The following SLC37A3 variants were observed in gnomAD, a reference collection of about 807,000 sequenced individuals.
The protein encoded by SLC37A3 is solute carrier family 37 member 3.
A neutral mutation model predicts 67.1 loss-of-function variants in SLC37A3; 51 were observed. The observed-to-expected ratio is 0.76, with a 90% CI of 0.61 to 0.96. The LOEUF (loss-of-function observed/expected upper bound fraction) is 0.96. Ranked by LOEUF, SLC37A3 falls within the 40% of genes least tolerant of loss-of-function variation. The pLI is 0.00. For missense variants in SLC37A3, 508 were observed against 603.0 expected, an observed-to-expected ratio of 0.84 and a Z score of 1.65; for synonymous variants, 214 against 231.4, an observed-to-expected ratio of 0.92 and a Z score of 0.68.
At chr7:140,337,703 T>C (rs2117004219) in intron 13 of SLC37A3, 1 of 168,994 alleles carries the variant, frequency 5.9e-6, no homozygotes, top group South Asian at 1.9e-4. Context: ...TAGTTTGTCT[T>C]TAAGTATGCC....
chr7:140,387,561 G>A (rs1396204314), intron 1 of SLC37A3, among the ~76,000 whole-genome samples: 2 of 143,218 alleles, frequency 1.4e-5, no homozygotes, highest in African/African-American at 5.2e-5. Context: ...GCTGCGGTGA[G>A]CTGAAATCAC....
intron 1 of SLC37A3, among the ~76,000 whole-genome samples, chr7:140,383,012 A>G (rs1393792945): frequency 1.3e-5 from 2 of 152,162 alleles, no homozygotes; most frequent in African/African-American, 2.4e-5. Context: ...AATGCAGCTC[A>G]GGGTATAATG....
intron 9 of SLC37A3, among the ~76,000 whole-genome samples, chr7:140,350,505 C>A (rs988155370): frequency 6.6e-6 from 1 of 152,186 alleles, no homozygotes; most frequent in African/African-American, 2.4e-5. Context: ...TGGCTCACGC[C>A]TGTAATCCCA....
intron 4 of SLC37A3, among the ~76,000 whole-genome samples, chr7:140,368,103 C>T (rs909220696): frequency 1.3e-4 from 20 of 151,972 alleles, no homozygotes; most frequent in African/African-American, 4.6e-4. Flanking sequence ...CGTGGGCCAC[C>T]GCGCCCAGCC....
intron 2 of SLC37A3, among the ~76,000 whole-genome samples, chr7:140,380,897 CTTTTT>C (rs56276405): frequency 7.9e-6 from 1 of 125,882 alleles, no homozygotes; most frequent in African/African-American, 2.9e-5. Context: ...TCTTCTTCTT[CTTTTT>C]TTTTTTTTTT....
Position 140,363,254 on chromosome 7 carries a change from C to T in SLC37A3, c.375+1154G>A, listed in dbSNP as rs1045495399. Among the ~76,000 whole-genome samples the T allele has an allele frequency of 4.5e-5, 4 of 88,778 alleles. 1 individual carries two copies. Among genetic ancestry groups the T allele is most frequent in the Admixed American group, 3.1e-4 (3 of 9,664 alleles). 58.2% of individuals were successfully genotyped at this position (88,778 alleles called of 152,430 possible). A position where few individuals can be genotyped will look rare whatever the true frequency, so the allele number is the denominator to read the frequency against. On this transcript the variant is annotated intron_variant, in intron 5 of 14. Transcript: ENST00000326232. ...ATGGCGGTTTTGTGGAATAGAAAGG[C>T]GGGAAGGGTGGGGAAAAAATTGAGA...
At position 140,334,833 on chromosome 7, in the gene SLC37A3, C is replaced by A; in HGVS notation, c.*579G>T. ...GACACAGAGTGACTGAGCCAATCAA[C>A]AGGCATGTAGTGTGATCTTTCCCAC... On this transcript the variant is annotated 3_prime_UTR_variant, in exon 15 of 15. Coordinates refer to ENST00000326232, the MANE Select transcript of SLC37A3 (RefSeq NM_207113.3). 5.5e-6 allele frequency: 1 copy of A among 182,378 alleles called. No homozygotes were observed. Among genetic ancestry groups the A allele is most frequent in the Non-Finnish European group, 1.2e-5 (1 of 85,138 alleles). 11.3% of individuals were successfully genotyped at this position (182,378 alleles called of 1,614,324 possible).
At chr7:140,378,269 T>C (rs1798109790) in intron 3 of SLC37A3, among the ~76,000 whole-genome samples, 1 of 152,176 alleles carries the variant, frequency 6.6e-6, no homozygotes, top group Admixed American at 6.6e-5. Flanking sequence ...AGGGAGGAAT[T>C]TTCTTCAAAA....
chr7:140,369,589 C>A lies in SLC37A3; in HGVS notation c.291+1G>T. 3 of 1,613,524 alleles carry A rather than the reference C, an allele frequency of 1.9e-6. No homozygotes were observed. Among genetic ancestry groups the A allele is most frequent in the Non-Finnish European group, 1.7e-6 (2 of 1,179,684 alleles). On this transcript the variant is annotated splice_donor_variant, in intron 4 of 14. Coordinates refer to ENST00000326232, the MANE Select transcript of SLC37A3 (RefSeq NM_207113.3). LOFTEE classifies it high-confidence loss of function. Reference sequence around the variant, plus strand: ...TTAAGCCCTAGAGTTCCAAAACTTACCACAGCATAGGAGAAGAGGAAAATG... The same window carrying A: ...TTAAGCCCTAGAGTTCCAAAACTTAACACAGCATAGGAGAAGAGGAAAATG...
chr7:140,368,779 C>A (rs574684451), intron 4 of SLC37A3, among the ~76,000 whole-genome samples: 28 of 152,260 alleles, frequency 1.8e-4, no homozygotes, highest in African/African-American at 6.7e-4. Flanking sequence ...CATGACACTT[C>A]CACCCTGGAG....
Position 140,335,060 on chromosome 7 carries a change from C to A in SLC37A3, c.*352G>T. On this transcript the variant is annotated 3_prime_UTR_variant, in exon 15 of 15. Transcript: ENST00000326232. Reference sequence around the variant, plus strand: ...CTTTGCCTCCTGTTCACTCCATTTTCAAGGCTAGAGAAAGTTCAAGTCCAA... The same window carrying A: ...CTTTGCCTCCTGTTCACTCCATTTTAAAGGCTAGAGAAAGTTCAAGTCCAA... 1.5e-6 allele frequency: 1 copy of A among 679,686 alleles called. No homozygotes were observed. The highest frequency in any genetic ancestry group is 2.0e-5 in the South Asian group (1 of 50,864). 42.1% of individuals were successfully genotyped at this position (679,686 alleles called of 1,614,324 possible).
At chr7:140,367,650 C>G (rs1261343447) in intron 4 of SLC37A3, among the ~76,000 whole-genome samples, 1 of 152,078 alleles carries the variant, frequency 6.6e-6, no homozygotes, top group Admixed American at 6.6e-5. Context: ...GCTCCTCTCA[C>G]AGTCCACGTT....
chr7:140,362,340 G>A (rs1797351969), intron 5 of SLC37A3, among the ~76,000 whole-genome samples: 1 of 143,418 alleles, frequency 7.0e-6, no homozygotes, highest in Non-Finnish European at 1.5e-5. Flanking sequence ...GAAGTGAGGA[G>A]CCCCTCCGTC....
At chr7:140,386,449 C>CAACAATAATAATAAT (rs1798453405) in intron 1 of SLC37A3, among the ~76,000 whole-genome samples, 3 of 146,508 alleles carry the variant, frequency 2.0e-5, no homozygotes, top group African/African-American at 7.5e-5. Context: ...TATGCAATTA[C>CAACAATAATAATAAT]AATAATAATA....
At chr7:140,387,809 A>AATATAAATATATATATTATATAT (rs1563053621) in intron 1 of SLC37A3, among the ~76,000 whole-genome samples, 1 of 2,356 alleles carries the variant, frequency 4.2e-4, no homozygotes, top group Non-Finnish European at 1.5e-3. Flanking sequence ...TATTATACAT[A>AATATAAATATATATATTATATAT]AATATAAATA....
At chr7:140,354,108 G>T (rs1353584253) in intron 7 of SLC37A3, among the ~76,000 whole-genome samples, 1 of 152,180 alleles carries the variant, frequency 6.6e-6, no homozygotes, top group Non-Finnish European at 1.5e-5. Flanking sequence ...CTTTCAACAG[G>T]TTTATCATGG....
chr7:140,349,146 C>T (rs1031124378), intron 9 of SLC37A3, among the ~76,000 whole-genome samples: 4 of 152,220 alleles, frequency 2.6e-5, no homozygotes, highest in African/African-American at 9.7e-5. Context: ...ATGCCACTAA[C>T]CAGCGTTAAC....
At chr7:140,350,233 C>T (rs578049156) in intron 9 of SLC37A3, among the ~76,000 whole-genome samples, 48 of 152,250 alleles carry the variant, frequency 3.2e-4, no homozygotes, top group South Asian at 2.5e-3. Context: ...CTGAGACACA[C>T]GGACGGGTTG....
chr7:140,355,552 C>T (rs1342107384), intron 7 of SLC37A3, 116 bp downstream of exon 7: 2 of 955,078 alleles, frequency 2.1e-6, no homozygotes, highest in Non-Finnish European at 3.2e-6. Context: ...TTGCCCTATC[C>T]AGACACAGTT....
Sources: allele counts gnomAD v4.1 joint callset (sites outside exome capture counted in the v4.1 genomes callset), GRCh38; gene constraint gnomAD v4.1.1; transcripts MANE v1.5; gene names NCBI Gene and HGNC (gene_info 2026-07-23, HGNC 2026-07-21).